The following AUTS2 variants were observed in gnomAD, a reference collection of about 807,000 sequenced individuals.
AUTS2 encodes activator of transcription and developmental regulator AUTS2.
Under a neutral mutation model 112.4 loss-of-function variants are expected in AUTS2, and 17 were observed. The ratio of observed to expected loss-of-function variants is 0.15; its 90% CI spans 0.10 to 0.23. The LOEUF (loss-of-function observed/expected upper bound fraction) is 0.23. Ranked by LOEUF, AUTS2 falls within the 10% of genes least tolerant of loss-of-function variation. The pLI is 1.00. For synonymous variants in AUTS2, 751 were observed against 702.7 expected (o/e 1.07, Z -1.09); for missense variants, 1,510 against 1,701.6 (o/e 0.89, Z 1.98).
chr7:70,523,611 G>A (rs978645419), intron 5 of AUTS2, among the ~76,000 whole-genome samples: 1 of 152,168 alleles, frequency 6.6e-6, no homozygotes, highest in Non-Finnish European at 1.5e-5. Context: ...GGGCGTCTAG[G>A]GGTCTAGTGT....
At chr7:70,069,009 T>C (rs1271093967) in intron 2 of AUTS2, among the ~76,000 whole-genome samples, 2 of 152,238 alleles carry the variant, frequency 1.3e-5, no homozygotes, top group Non-Finnish European at 2.9e-5. Flanking sequence ...TGCGTCCATA[T>C]AATTTTCTAA....
At chr7:70,556,024 T>C (rs1385967321) in intron 5 of AUTS2, among the ~76,000 whole-genome samples, 1 of 152,174 alleles carries the variant, frequency 6.6e-6, no homozygotes, top group African/African-American at 2.4e-5. Context: ...GCCAGGATGG[T>C]CTTGATCTCC....
intron 1 of AUTS2, among the ~76,000 whole-genome samples, chr7:69,665,473 G>A (rs1337236440): frequency 1.3e-5 from 2 of 152,188 alleles, no homozygotes; most frequent in Admixed American, 1.3e-4. Flanking sequence ...AGCTGTAGGA[G>A]TCTGGAATGC....
intron 4 of AUTS2, among the ~76,000 whole-genome samples, chr7:70,284,248 T>G (rs894643992): frequency 5.3e-5 from 8 of 152,232 alleles, no homozygotes; most frequent in Non-Finnish European, 1.2e-4. Flanking sequence ...TATCATTGTA[T>G]AGTAAAACAT....
intron 4 of AUTS2, among the ~76,000 whole-genome samples, chr7:70,413,492 T>C (rs1794860431): frequency 6.6e-6 from 1 of 152,160 alleles, no homozygotes; most frequent in Non-Finnish European, 1.5e-5. Flanking sequence ...GTGACAATGT[T>C]TCCTACTTTC....
chr7:69,912,657 A>C (rs1256364562), intron 2 of AUTS2, among the ~76,000 whole-genome samples: 1 of 152,052 alleles, frequency 6.6e-6, no homozygotes, highest in Non-Finnish European at 1.5e-5. Flanking sequence ...CCCCCTTTCA[A>C]ACTGAGCAGA....
intron 4 of AUTS2, among the ~76,000 whole-genome samples, chr7:70,174,693 G>A (rs1808891059): frequency 6.6e-6 from 1 of 152,158 alleles, no homozygotes; most frequent in Non-Finnish European, 1.5e-5. Flanking sequence ...TGCCAAATCT[G>A]CCCTGTGCTC....
chr7:69,736,742 A>G (rs1211304884), intron 1 of AUTS2, among the ~76,000 whole-genome samples: 1 of 152,138 alleles, frequency 6.6e-6, no homozygotes, highest in African/African-American at 2.4e-5. Context: ...CTGTGGTGTT[A>G]TTCTCTGGTA....
chr7:69,793,011 C>G (rs1789684984), intron 1 of AUTS2, among the ~76,000 whole-genome samples: 1 of 152,142 alleles, frequency 6.6e-6, no homozygotes, highest in Non-Finnish European at 1.5e-5. Flanking sequence ...GCTGTTCAGT[C>G]CCTTTTCCTA....
chr7:70,599,766 G>A lies in AUTS2; in HGVS notation c.691-98803G>A, dbSNP rs567653168. ...CAGTGACAGTCATCACTCACAACACGGGAAGCTACACAGCTAGGTCAGCCT... is the reference window on the plus strand; with the variant it reads ...CAGTGACAGTCATCACTCACAACACAGGAAGCTACACAGCTAGGTCAGCCT... On this transcript the variant is annotated intron_variant, in intron 5 of 18. Coordinates refer to ENST00000342771, the MANE Select transcript of AUTS2 (RefSeq NM_015570.4). 7.7e-4 allele frequency among the ~76,000 whole-genome samples: 117 copies of A among 152,274 alleles called. 1 individual carries two copies. Among genetic ancestry groups the A allele is most frequent in the Middle Eastern group, 3.4e-3 (1 of 294 alleles).
intron 1 of AUTS2, among the ~76,000 whole-genome samples, chr7:69,760,039 C>T (rs1378538986): frequency 5.3e-5 from 8 of 151,434 alleles, no homozygotes; most frequent in South Asian, 2.1e-4. Context: ...TTTTTTTCCA[C>T]GAACTTGCTA....
intron 2 of AUTS2, among the ~76,000 whole-genome samples, chr7:69,928,259 C>T (rs1325678858): frequency 2.6e-5 from 4 of 152,104 alleles, no homozygotes; most frequent in Non-Finnish European, 5.9e-5. Context: ...GGAAAAAGCA[C>T]CATTCTAGTG....
At chr7:70,223,609 T>G (rs983410349) in intron 4 of AUTS2, among the ~76,000 whole-genome samples, 1 of 152,228 alleles carries the variant, frequency 6.6e-6, no homozygotes, top group Non-Finnish European at 1.5e-5. Context: ...TACTGTAATT[T>G]TACACTTATT....
chr7:70,439,258 G>T (rs1199102420), intron 5 of AUTS2, among the ~76,000 whole-genome samples: 1 of 152,130 alleles, frequency 6.6e-6, no homozygotes, highest in East Asian at 1.9e-4. Context: ...GTAGAAATTG[G>T]GCTGGGTGCG....
intron 4 of AUTS2, among the ~76,000 whole-genome samples, chr7:70,374,637 G>A (rs2129631001): frequency 6.6e-6 from 1 of 152,300 alleles, no homozygotes; most frequent in African/African-American, 2.4e-5. Context: ...GTCAAGATGA[G>A]TAACCTTTCA....
At chr7:69,858,959 C>T (rs1037642993) in intron 1 of AUTS2, among the ~76,000 whole-genome samples, 4 of 152,128 alleles carry the variant, frequency 2.6e-5, no homozygotes, top group African/African-American at 4.8e-5. Flanking sequence ...TCCTGGAAAC[C>T]GCTGCAATTG....
chr7:69,622,664 T>G (rs10487944), intron 1 of AUTS2, among the ~76,000 whole-genome samples: 2,862 of 152,334 alleles, frequency 0.019, 39 homozygotes, highest in Non-Finnish European at 0.032. Context: ...ATTTCACAGT[T>G]TCTATTTCTA....
intron 5 of AUTS2, among the ~76,000 whole-genome samples, chr7:70,501,753 T>C (rs1054412361): frequency 3.9e-5 from 6 of 152,094 alleles, no homozygotes; most frequent in African/African-American, 7.2e-5. Flanking sequence ...AAACTCCATA[T>C]GATTGTTATA....
chr7:70,613,237 GTGTC>G (rs1251396106), intron 5 of AUTS2, among the ~76,000 whole-genome samples: 6 of 110,256 alleles, frequency 5.4e-5, no homozygotes, highest in Middle Eastern at 4.4e-3. Context: ...ATATGTGTGT[GTGTC>G]TGTGTGTGTG....
Sources: allele counts gnomAD v4.1 joint callset (sites outside exome capture counted in the v4.1 genomes callset), GRCh38; gene constraint gnomAD v4.1.1; transcripts MANE v1.5; gene names NCBI Gene and HGNC (gene_info 2026-07-23, HGNC 2026-07-21).